The following CNTN6 variants were observed in gnomAD, a reference collection of about 807,000 sequenced individuals.
CNTN6 encodes contactin-6.
A neutral mutation model predicts 122.8 loss-of-function variants in CNTN6; 137 were observed. The ratio of observed to expected loss-of-function variants is 1.12; its 90% CI spans 0.97 to 1.29. CNTN6 has a LOEUF of 1.29. Ranked by LOEUF, CNTN6 falls within the 50% of genes most tolerant of loss-of-function variation. CNTN6 has a pLI of 0.00. For missense variants in CNTN6, 1,634 were observed against 1,223.4 expected (o/e 1.34, Z -5.01); for synonymous variants, 570 against 426.0 (o/e 1.34, Z -4.16).
At position 1,142,032 on chromosome 3, in the gene CNTN6, G is replaced by C. The variant is rs753891014; in HGVS notation, c.-82-5895G>C. Among the ~76,000 whole-genome samples the C allele has an allele frequency of 2.0e-5, 3 of 152,110 alleles. 1 individual carries two copies. Among genetic ancestry groups the C allele is most frequent in the Non-Finnish European group, 4.4e-5 (3 of 68,030 alleles). ...TAGGATAACTCTCATTGTCTCTCAA[G>C]CCTGCCGGACAAACCAAGGTTTAAC... On this transcript the variant is annotated intron_variant, in intron 1 of 22. Coordinates refer to ENST00000446702, the MANE Select transcript of CNTN6 (RefSeq NM_001289080.2).
intron 11 of CNTN6, among the ~76,000 whole-genome samples, chr3:1,332,256 A>G (rs894754323): frequency 6.6e-5 from 10 of 151,966 alleles, no homozygotes; most frequent in African/African-American, 1.7e-4. Flanking sequence ...AAGGTCACAC[A>G]GTTAACTCCA....
chr3:1,401,531 G>A lies in CNTN6; in HGVS notation c.2803G>A (p.Val935Ile). ...AAAAACCATGGAAAATGAGTCTGAA[G>A]TTTTGGGGTACAAGGTGAGTTTTTA... ...HVKTMENESE[V>I]LGYKILYRQN... The change falls in exon 21 of 23, where the codon GTT becomes ATT. Residue 935 changes from valine (V) to isoleucine (I), a missense_variant. Transcript: ENST00000446702. The A allele has an allele frequency of 4.3e-6, 7 of 1,610,020 alleles. No homozygotes were observed. The highest frequency in any genetic ancestry group is 5.9e-6 in the Non-Finnish European group (7 of 1,177,416).
At chr3:1,234,980 GTTATAT>G (rs763288829) in intron 4 of CNTN6, among the ~76,000 whole-genome samples, 9 of 152,128 alleles carry the variant, frequency 5.9e-5, no homozygotes, top group Non-Finnish European at 7.4e-5. Context: ...GCAAGCCACT[GTTATAT>G]TTATATTTAA....
In CNTN6 at chr3:1,292,901, TCA is replaced by T. The variant is rs139871808; in HGVS notation, c.455-2683_455-2682del. 1.3e-4 allele frequency among the ~76,000 whole-genome samples: 19 copies of T among 151,202 alleles called. No individual in the cohort carries two copies. In the South Asian group the frequency reaches 2.7e-3, roughly 22 times the overall value. On this transcript the variant is annotated intron_variant, in intron 5 of 22. Coordinates refer to ENST00000446702, the MANE Select transcript of CNTN6 (RefSeq NM_001289080.2). ...AAATGTAAGAATTTGCATAAACATA[TCA>T]CACACACACACACACAAAGTTCCCA...
chr3:1,100,497 C>A (rs545772357), intron 1 of CNTN6, among the ~76,000 whole-genome samples: 48 of 152,198 alleles, frequency 3.2e-4, no homozygotes, highest in African/African-American at 1.0e-3. Context: ...GGAGTTGTTT[C>A]AAATTTATCT....
intron 2 of CNTN6, among the ~76,000 whole-genome samples, chr3:1,200,945 T>C (rs560504351): frequency 1.3e-5 from 2 of 151,822 alleles, no homozygotes; most frequent in East Asian, 3.9e-4. Context: ...TTTTTTTTTT[T>C]TCCCAAGGTC....
chr3:1,276,812 G>T (rs6442314), intron 4 of CNTN6, among the ~76,000 whole-genome samples: 1 of 151,990 alleles, frequency 6.6e-6, no homozygotes, highest in Non-Finnish European at 1.5e-5. Flanking sequence ...TTACTTATAT[G>T]TAATATAATG....
At chr3:1,261,651 T>C (rs543760702) in intron 4 of CNTN6, among the ~76,000 whole-genome samples, 3 of 152,210 alleles carry the variant, frequency 2.0e-5, no homozygotes, top group Admixed American at 2.0e-4. Flanking sequence ...TGTCCCCCAA[T>C]GTGACAGGTA....
At chr3:1,169,642 C>T (rs1371192365) in intron 2 of CNTN6, among the ~76,000 whole-genome samples, 2 of 152,148 alleles carry the variant, frequency 1.3e-5, no homozygotes, top group African/African-American at 2.4e-5. Flanking sequence ...CCTTTTACTT[C>T]TCTAAATTTT....
intron 20 of CNTN6, among the ~76,000 whole-genome samples, chr3:1,389,722 G>A (rs368765408): frequency 0.13 from 17,836 of 141,712 alleles, 1,398 homozygotes; most frequent in Non-Finnish European, 0.16. Context: ...AAGATCTACT[G>A]AGCCAATGGA....
chr3:1,304,633 T>G (rs998738609), intron 7 of CNTN6, among the ~76,000 whole-genome samples: 2 of 152,166 alleles, frequency 1.3e-5, no homozygotes, highest in African/African-American at 4.8e-5. Context: ...TATAGATATA[T>G]TTCCCATTTA....
At position 1,142,534 on chromosome 3, in the gene CNTN6, C is replaced by G. The variant is rs1299101767; in HGVS notation, c.-82-5393C>G. On this transcript the variant is annotated intron_variant, in intron 1 of 22. Coordinates refer to ENST00000446702, the MANE Select transcript of CNTN6 (RefSeq NM_001289080.2). ...AATCCTTTAACAGAAATCTTCACAG[C>G]CAAATATATTTTAGAGTTTAGAATT... 3.3e-5 allele frequency among the ~76,000 whole-genome samples: 5 copies of G among 152,148 alleles called. No homozygotes were observed. In the East Asian group the frequency reaches 9.7e-4, roughly 29 times the overall value.
intron 1 of CNTN6, among the ~76,000 whole-genome samples, chr3:1,098,486 A>C (rs550253012): frequency 1.4e-4 from 22 of 151,736 alleles, no homozygotes; most frequent in African/African-American, 4.8e-4. Context: ...AATTATAGAG[A>C]AAACAATAAA....
chr3:1,327,685 G>T, intron 10 of CNTN6, 99 bp downstream of exon 10: 1 of 1,201,112 alleles, frequency 8.3e-7, no homozygotes, highest in Non-Finnish European at 1.2e-6. Flanking sequence ...ATTAGAAATT[G>T]CTGTCCCATC....
At chr3:1,400,708 A>C (rs1273055663) in intron 20 of CNTN6, among the ~76,000 whole-genome samples, 1 of 152,136 alleles carries the variant, frequency 6.6e-6, no homozygotes, top group African/African-American at 2.4e-5. Context: ...AGGGGAACTC[A>C]AACTTGGACT....
At chr3:1,308,547 A>G (rs961763732) in intron 7 of CNTN6, among the ~76,000 whole-genome samples, 1 of 152,022 alleles carries the variant, frequency 6.6e-6, no homozygotes, top group African/African-American at 2.4e-5. Flanking sequence ...ATGTGTGTCT[A>G]TACTAATTAT....
chr3:1,202,114 G>C (rs530235293), intron 2 of CNTN6, among the ~76,000 whole-genome samples: 2 of 152,134 alleles, frequency 1.3e-5, no homozygotes, highest in Non-Finnish European at 2.9e-5. Flanking sequence ...AGTTCATGTC[G>C]CTGGGGAGTG....
At chr3:1,221,175 G>A (rs2094202987) in intron 3 of CNTN6, among the ~76,000 whole-genome samples, 1 of 151,664 alleles carries the variant, frequency 6.6e-6, no homozygotes, top group Non-Finnish European at 1.5e-5. Context: ...AGAGATAGGG[G>A]AGAGAGAGAA....
chr3:1,388,465 AAACAG>A (rs1693531532), intron 20 of CNTN6, among the ~76,000 whole-genome samples: 1 of 151,784 alleles, frequency 6.6e-6, no homozygotes, highest in African/African-American at 2.4e-5. Flanking sequence ...GATGGGGAAA[AAACAG>A]AACAGAAAAA....
Sources: gnomAD v4.1 joint callset for allele counts (sites outside exome capture counted in the v4.1 genomes callset) on GRCh38, gnomAD v4.1.1 for gene constraint, MANE v1.5 for transcripts, NCBI Gene and HGNC (gene_info 2026-07-23, HGNC 2026-07-21) for gene names.